The following PTPRA variants were observed in gnomAD, a reference collection of about 807,000 sequenced individuals.
PTPRA encodes receptor-type tyrosine-protein phosphatase alpha.
In PTPRA, 25 loss-of-function variants were observed where a neutral mutation model predicts 104.8. The observed-to-expected ratio is 0.24, with a 90% confidence interval of 0.17 to 0.33. The LOEUF is 0.33. Ranked by LOEUF, PTPRA falls within the 10% of genes least tolerant of loss-of-function variation. PTPRA has a pLI of 1.00. For synonymous variants in PTPRA, 323 were observed against 368.9 expected (o/e 0.88, Z 1.43); for missense variants, 765 against 1,015.3 (o/e 0.75, Z 3.35).
At chr20:2,940,064 C>T (rs1391439908) in intron 2 of PTPRA, among the ~76,000 whole-genome samples, 1 of 152,202 alleles carries the variant, frequency 6.6e-6, no homozygotes, top group Admixed American at 6.5e-5. Flanking sequence ...GAGCTGAGAT[C>T]GCGCCACTGC....
chr20:2,884,227 T>C (rs189532863), intron 1 of PTPRA, among the ~76,000 whole-genome samples: 2 of 149,766 alleles, frequency 1.3e-5, no homozygotes, highest in East Asian at 3.9e-4. Flanking sequence ...TGTGTAGTCA[T>C]AGGTTTTAAT....
chr20:3,027,563 G>A, intron 19 of PTPRA, 144 bp from the exon 20 acceptor site: 7 of 1,094,610 alleles, frequency 6.4e-6, no homozygotes, highest in Non-Finnish European at 9.0e-6. Context: ...TGTCAGATAG[G>A]GTTTCGTCCT....
intron 11 of PTPRA, among the ~76,000 whole-genome samples, chr20:3,009,979 G>C (rs73583859): frequency 0.055 from 8,315 of 151,822 alleles, 726 homozygotes; most frequent in African/African-American, 0.19. Context: ...CTCCCTAGTA[G>C]CCAGGATTAC....
intron 3 of PTPRA, among the ~76,000 whole-genome samples, chr20:2,958,341 T>G (rs1230119614): frequency 6.6e-6 from 1 of 151,950 alleles, no homozygotes; most frequent in African/African-American, 2.4e-5. Context: ...GTAGCAGAGA[T>G]AAAGCGTTGT....
At chr20:2,921,937 A>AT (rs1192674118) in intron 1 of PTPRA, among the ~76,000 whole-genome samples, 2 of 152,166 alleles carry the variant, frequency 1.3e-5, no homozygotes, top group Non-Finnish European at 2.9e-5. Flanking sequence ...CATTGTTGAC[A>AT]TTTGGGACTG....
In PTPRA at chr20:2,939,460, C is replaced by G. The variant is rs1408657230; in HGVS notation, c.-49-8522C>G. On this transcript the variant is annotated intron_variant, in intron 2 of 23. Transcript: ENST00000399903. Reference sequence around the variant, plus strand: ...GAAGGCAGAATGCTGTTCACAATTTCTGGGCCACAGTGTCTGGTGAGGAAA... The same window carrying G: ...GAAGGCAGAATGCTGTTCACAATTTGTGGGCCACAGTGTCTGGTGAGGAAA... Among the ~76,000 whole-genome samples the G allele has an allele frequency of 2.0e-5, 3 of 152,180 alleles. No homozygotes were observed. The East Asian group carries it at 5.8e-4, about 29-fold the overall frequency.
At chr20:2,883,651 CAA>C (rs71195803) in intron 1 of PTPRA, among the ~76,000 whole-genome samples, 1 of 3,250 alleles carries the variant, frequency 3.1e-4, no homozygotes, top group African/African-American at 4.0e-3. Context: ...GACTCCGTCT[CAA>C]AAAAAAAAAA....
rs932232969 is a variant in PTPRA at position 3,008,843 on chromosome 20, C to T, written c.906+1423C>T. ...CAGAGAATTGCTTGAACCCGGGAGG[C>T]GGAGGTTGCAGTGAGCCGAGATGGC... On this transcript the variant is annotated intron_variant, in intron 11 of 23. Transcript: ENST00000399903. Among the ~76,000 whole-genome samples the T allele has an allele frequency of 8.6e-5, 13 of 151,198 alleles. 1 individual carries two copies. Among genetic ancestry groups the T allele is most frequent in the South Asian group, 4.2e-4 (2 of 4,786 alleles).
rs1417742602 is a variant in PTPRA at position 2,986,852 on chromosome 20, G to A, written c.527+3G>A. ...ATCATAGTTTTGTACATGTTAAGGT[G>A]AGCCTACTAACACTTCACATTCTCT... On this transcript the variant is annotated splice_donor_region_variant and intron_variant, in intron 7 of 23. Transcript: ENST00000399903. 1.3e-6 allele frequency: 2 copies of A among 1,598,938 alleles called. No homozygotes were observed. Among genetic ancestry groups the A allele is most frequent in the South Asian group, 1.1e-5 (1 of 90,746 alleles).
rs2089528178 is a variant in PTPRA at position 2,873,951 on chromosome 20, T to A, written c.-129+191T>A. Among the ~76,000 whole-genome samples the A allele has an allele frequency of 6.6e-6, 1 of 151,350 alleles. No individual in the cohort carries two copies. The highest frequency in any genetic ancestry group is 2.1e-4 in the South Asian group (1 of 4,804). On this transcript the variant is annotated intron_variant, in intron 1 of 23. Transcript: ENST00000399903. The surrounding 1 kb of genome is among the most constrained non-coding windows in gnomAD (Gnocchi z 4.4). ...TTGCGGGTCCGTCGCGGGGAGGGGG[T>A]CCCCGGAAACGTGCCGGCCCGAGTG...
At chr20:2,967,848 G>A (rs1313784126) in intron 5 of PTPRA, among the ~76,000 whole-genome samples, 3 of 152,202 alleles carry the variant, frequency 2.0e-5, no homozygotes, top group East Asian at 1.9e-4. Flanking sequence ...GTGACAAAGC[G>A]AGACCATGTC....
chr20:3,026,623 G>A lies in PTPRA; in HGVS notation c.1615-64G>A, dbSNP rs2065158626. On this transcript the variant is annotated intron_variant, in intron 17 of 23. Transcript: ENST00000399903. ...GCCTGGAGGTGCAGGCCAAGGGACA[G>A]GCATAATCTTGTCAAGTTCAGTTAC... is the stretch of plus-strand genomic sequence containing the variant. 23 of 1,315,624 alleles carry A rather than the reference G, an allele frequency of 1.7e-5. No homozygotes were observed. The South Asian group carries it at 2.8e-4, about 16-fold the overall frequency. The allele number at this position is 1,315,624 out of a possible 1,614,324, so 81.5% of individuals were successfully genotyped here. A position where few individuals can be genotyped will look rare whatever the true frequency, so the allele number is the denominator to read the frequency against.
chr20:3,027,282 G>C (rs888485368), intron 19 of PTPRA, 85 bp downstream of exon 19: 116 of 1,330,436 alleles, frequency 8.7e-5, no homozygotes, highest in Non-Finnish European at 1.2e-4. Flanking sequence ...CATACCTGCT[G>C]GGGAGGATCA....
the PTPRA span, chr20:2,864,539 G>A: frequency 1.2e-6 from 2 of 1,614,166 alleles, no homozygotes; most frequent in Non-Finnish European, 1.7e-6. The surrounding 1 kb of genome is among the most constrained non-coding windows in gnomAD (Gnocchi z 5.2). Flanking sequence ...GCCTGCCTGT[G>A]GCCCCAGTTC....
intron 1 of PTPRA, among the ~76,000 whole-genome samples, chr20:2,883,984 T>C (rs1399402854): frequency 1.3e-5 from 2 of 152,204 alleles, no homozygotes; most frequent in African/African-American, 4.8e-5. Context: ...ATAAATGAAA[T>C]CATACAATAT....
chr20:2,933,400 A>G (rs774629189), intron 2 of PTPRA, among the ~76,000 whole-genome samples: 4 of 150,584 alleles, frequency 2.7e-5, no homozygotes, highest in African/African-American at 9.8e-5. Flanking sequence ...CATTTTGCAA[A>G]TGTTTTTTCT....
chr20:2,973,541 G>T (rs1257747388), intron 5 of PTPRA, among the ~76,000 whole-genome samples: 1 of 152,126 alleles, frequency 6.6e-6, no homozygotes, highest in Non-Finnish European at 1.5e-5. Flanking sequence ...GTCTCAGTAG[G>T]GACCAAATTC....
At chr20:3,008,892 A>G (rs2064013273) in intron 11 of PTPRA, among the ~76,000 whole-genome samples, 2 of 152,180 alleles carry the variant, frequency 1.3e-5, no homozygotes, top group African/African-American at 4.8e-5. Context: ...AGCCTGGGCG[A>G]CAGGGTGAGA....
chr20:2,915,293 G>A (rs1600106529), intron 1 of PTPRA, among the ~76,000 whole-genome samples: 1 of 152,070 alleles, frequency 6.6e-6, no homozygotes, highest in Non-Finnish European at 1.5e-5. Context: ...TTCATTGTAT[G>A]TATAATACCA....
Sources: allele counts gnomAD v4.1 joint callset (sites outside exome capture counted in the v4.1 genomes callset), GRCh38; gene constraint gnomAD v4.1.1; non-coding constraint Gnocchi (gnomAD v3.1); transcripts MANE v1.5; gene names NCBI Gene and HGNC (gene_info 2026-07-23, HGNC 2026-07-21).